CBFA2T3: variants seen among roughly 807,000 people sequenced by gnomAD.
CBFA2T3 encodes the protein CBFA2/RUNX1 partner transcriptional co-repressor 3.
A neutral mutation model predicts 58.6 loss-of-function variants in CBFA2T3; 31 were observed. That is an observed-to-expected ratio of 0.53 (90% confidence interval 0.40 to 0.71). The LOEUF (loss-of-function observed/expected upper bound fraction) is 0.71. Ranked by LOEUF, CBFA2T3 falls within the 30% of genes least tolerant of loss-of-function variation. The pLI is 0.00. For missense variants in CBFA2T3, 1,076 were observed against 963.1 expected (o/e 1.12, Z -1.55); for synonymous variants, 531 against 421.9 (o/e 1.26, Z -3.17).
At chr16:88,894,512 CACACACATGCAT>C (rs1466391285) in intron 3 of CBFA2T3, among the ~76,000 whole-genome samples, 5 of 126,514 alleles carry the variant, frequency 4.0e-5, no homozygotes, top group Admixed American at 7.6e-5. Context: ...CACACATGCA[CACACACATGCAT>C]ACATATACAC....
intron 1 of CBFA2T3, among the ~76,000 whole-genome samples, chr16:88,914,737 T>C (rs1380225353): frequency 6.6e-6 from 1 of 152,174 alleles, no homozygotes; most frequent in African/African-American, 2.4e-5. Flanking sequence ...CCCTGCCGGT[T>C]GAGCAAAGCC....
At chr16:88,939,992 C>CAGGAGACGG (rs1971654750) in intron 1 of CBFA2T3, 1 of 152,348 alleles carries the variant, frequency 6.6e-6, no homozygotes, top group Admixed American at 6.5e-5. Context: ...CCCTGGGAAC[C>CAGGAGACGG]TCCTGTTCCT....
chr16:88,903,656 G>A (rs111795413), intron 1 of CBFA2T3, among the ~76,000 whole-genome samples: 1 of 92,966 alleles, frequency 1.1e-5, no homozygotes, highest in Non-Finnish European at 2.4e-5. Context: ...GGGTGTTCCC[G>A]GCTGGGGGGG....
At chr16:88,919,710 T>C (rs1970850516) in intron 1 of CBFA2T3, among the ~76,000 whole-genome samples, 1 of 152,204 alleles carries the variant, frequency 6.6e-6, no homozygotes, top group African/African-American at 2.4e-5. Flanking sequence ...ACGTGCAGTC[T>C]GGTGCATGTT....
chr16:88,942,007 C>G (rs1010732392), intron 1 of CBFA2T3, among the ~76,000 whole-genome samples: 2 of 151,820 alleles, frequency 1.3e-5, no homozygotes, highest in Non-Finnish European at 2.9e-5. Flanking sequence ...GCGCTCCCCC[C>G]GCTCAGCCTC....
At position 88,936,109 on chromosome 16, in the gene CBFA2T3, G is replaced by A. The variant is rs776441401; in HGVS notation, c.152-34453C>T. Among the ~76,000 whole-genome samples, 5 of 152,144 alleles carry A rather than the reference G, an allele frequency of 3.3e-5. 1 individual carries two copies. Among genetic ancestry groups the A allele is most frequent in the Admixed American group, 1.3e-4 (2 of 15,282 alleles). ...AGCTGCTTCCCCTGCTGGCTTGATG[G>A]CACCCTGGCTTTCCCGGGTACTCAG... is the stretch of plus-strand genomic sequence containing the variant. On this transcript the variant is annotated intron_variant, in intron 1 of 11. Coordinates refer to ENST00000268679, the MANE Select transcript of CBFA2T3 (RefSeq NM_005187.6).
In CBFA2T3 at chr16:88,886,079, C is replaced by T. The variant is rs563652831; in HGVS notation, c.775G>A (p.Ala259Thr). The stretch of plus-strand genomic sequence containing the variant: ...TGCTCATGCTGGGCCAAGTACTGGG[C>T]GGGCGTCTGCTTGGCCAGGCGTGCA... ...HCARLAKQTP[A>T]QYLAQHEQLL... Residue 259 changes from alanine (A) to threonine (T), a missense_variant, in exon 6 of 12, where the codon GCC becomes ACC. Ala to Thr is a moderately conservative substitution (Grantham distance 58, BLOSUM62 0). Coordinates refer to ENST00000268679, the MANE Select transcript of CBFA2T3 (RefSeq NM_005187.6). The T allele has an allele frequency of 1.3e-5, 20 of 1,590,722 alleles. 1 individual carries two copies. The highest frequency in any genetic ancestry group is 2.2e-5 in the East Asian group (1 of 44,446).
Position 88,877,226 on chromosome 16 carries a change from T to C in CBFA2T3, c.1712A>G (p.Asn571Ser), listed in dbSNP as rs1385142580. 1.3e-6 allele frequency: 2 copies of C among 1,555,844 alleles called. No homozygotes were observed. Among genetic ancestry groups the C allele is most frequent in the South Asian group, 1.2e-5 (1 of 84,382 alleles). Residue 571 changes from asparagine to serine, a missense_variant, in exon 12 of 12, where the codon AAC becomes AGC. Asn to Ser is a conservative substitution (Grantham distance 46). Coordinates refer to ENST00000268679, the MANE Select transcript of CBFA2T3 (RefSeq NM_005187.6). ...RKASETCSGC[N>S]AARYCGSFCQ... Reference sequence around the variant, plus strand: ...GAAGGACCCGCAGTAGCGTGCCGCGTTGCAGCCGCTGCACGTCTCACTGGC... The same window carrying C: ...GAAGGACCCGCAGTAGCGTGCCGCGCTGCAGCCGCTGCACGTCTCACTGGC...
In CBFA2T3 at chr16:88,881,338, G is replaced by A. The variant is rs560491264; in HGVS notation, c.1355C>T (p.Ala452Val). The change falls in exon 9 of 12, where the codon GCG becomes GTG. Residue 452 changes from alanine (A) to valine (V), a missense_variant. Coordinates refer to ENST00000268679, the MANE Select transcript of CBFA2T3 (RefSeq NM_005187.6). ...GGCGGAGCTGCTGCGGGGCCGGGCC[G>A]CGGCGGGAGCGGGGCCCTTCTTTGT... ...EDTKKGPAPA[A>V]ARPRSSSAGP... 4.5e-5 allele frequency: 71 copies of A among 1,580,462 alleles called. No individual in the cohort carries two copies. Among genetic ancestry groups the A allele is most frequent in the South Asian group, 2.2e-4 (19 of 88,316 alleles).
chr16:88,952,799 G>A (rs768700328), intron 1 of CBFA2T3, among the ~76,000 whole-genome samples: 7 of 152,086 alleles, frequency 4.6e-5, no homozygotes. Flanking sequence ...ACGGATCTCT[G>A]TGTTCTCCCT....
rs139770933 is a variant in CBFA2T3 at position 88,879,772 on chromosome 16, C to T, written c.1472-312G>A. ...TCACAAGTCAAAGCTTGCACTCTAC[C>T]GCAGCGGCTCCCCAGGCACTGCACC... On this transcript the variant is annotated intron_variant, in intron 10 of 11. Transcript: ENST00000268679. The T allele has an allele frequency of 3.9e-4, 130 of 336,846 alleles. 2 individuals carry two copies. The East Asian group carries it at 5.6e-3, about 14-fold the overall frequency. 20.9% of individuals were successfully genotyped at this position (336,846 alleles called of 1,614,324 possible).
chr16:88,907,574 GCA>G (rs979549961), intron 1 of CBFA2T3, among the ~76,000 whole-genome samples: 1 of 152,230 alleles, frequency 6.6e-6, no homozygotes, highest in African/African-American at 2.4e-5. Flanking sequence ...GGAAACAGAG[GCA>G]CAGAGAGGCT....
At chr16:88,929,548 G>T (rs1334114644) in intron 1 of CBFA2T3, among the ~76,000 whole-genome samples, 1 of 152,262 alleles carries the variant, frequency 6.6e-6, no homozygotes, top group Admixed American at 6.5e-5. Context: ...ACCCACAGCT[G>T]CATGGTCCAC....
intron 1 of CBFA2T3, among the ~76,000 whole-genome samples, chr16:88,923,627 C>T (rs1970991598): frequency 6.6e-6 from 1 of 152,242 alleles, no homozygotes; most frequent in Admixed American, 6.5e-5. Context: ...CTGCACAGCC[C>T]AGTCCTGGCG....
chr16:88,886,017 G>A lies in CBFA2T3; in HGVS notation c.837C>T (p.Asp279=). 2 of 1,563,998 alleles carry A rather than the reference G, an allele frequency of 1.3e-6. No homozygotes were observed. The highest frequency in any genetic ancestry group is 1.7e-6 in the Non-Finnish European group (2 of 1,155,732). The change falls in exon 6 of 12, where the codon GAC becomes GAT. Residue 279 remains aspartate, a synonymous_variant. Coordinates refer to ENST00000268679, the MANE Select transcript of CBFA2T3 (RefSeq NM_005187.6). ...TGACTTCCAGTAGCAGCTCTGAGGA[G>A]TCGATGGGGGAGGAGGCGCTGGCGT... ...LLDASASSPI[D]SSELLLEVNE...
chr16:88,946,225 T>A (rs1382076103), intron 1 of CBFA2T3, among the ~76,000 whole-genome samples: 1 of 151,948 alleles, frequency 6.6e-6, no homozygotes, highest in Non-Finnish European at 1.5e-5. Flanking sequence ...GAGAATTGCT[T>A]GAACCCAGGA....
At chr16:88,960,928 A>T (rs1256615200) in intron 1 of CBFA2T3, among the ~76,000 whole-genome samples, 5 of 152,242 alleles carry the variant, frequency 3.3e-5, no homozygotes, top group Non-Finnish European at 7.3e-5. Flanking sequence ...ACGATAACTG[A>T]TTTTTAGTGC....
chr16:88,939,974 G>A (rs1023830056), intron 1 of CBFA2T3: 2 of 152,328 alleles, frequency 1.3e-5, no homozygotes, highest in East Asian at 1.9e-4. Flanking sequence ...CGTCCGCCGA[G>A]GTGGCTGCCC....
At chr16:88,973,616 T>C (rs1567642846) in intron 1 of CBFA2T3, among the ~76,000 whole-genome samples, 1 of 150,904 alleles carries the variant, frequency 6.6e-6, no homozygotes, top group Non-Finnish European at 1.5e-5. Context: ...CCCAGAACAT[T>C]CCGGACCCAG....
Sources: allele counts gnomAD v4.1 joint callset (sites outside exome capture counted in the v4.1 genomes callset), GRCh38; gene constraint gnomAD v4.1.1; transcripts MANE v1.5; gene names NCBI Gene and HGNC (gene_info 2026-07-23, HGNC 2026-07-21).